MUC4: variants seen among roughly 807,000 people sequenced by gnomAD.
The protein encoded by MUC4 is mucin 4, cell surface associated.
Under a neutral mutation model 257.9 loss-of-function variants are expected in MUC4, and 202 were observed. That is an observed-to-expected ratio of 0.78 (90% CI 0.70 to 0.88). MUC4 has a LOEUF of 0.88. MUC4 is among the 40% of genes least tolerant of loss of function. The pLI, the probability that MUC4 is intolerant of heterozygous loss-of-function variation, is 0.00. For missense variants in MUC4, 5,976 were observed against 6,513.7 expected (o/e 0.92, Z 2.84); for synonymous variants, 2,351 against 2,757.1 (o/e 0.85, Z 4.62).
chr3:195,789,450 G>C lies in MUC4; in HGVS notation c.2130C>G (p.Thr710=). The stretch of plus-strand genomic sequence containing the variant: ...TGCTGGGTGCTGCCTGCAGTGCTGT[G>C]GTCGGGGCCTGGGTTGTGTGACCAT... The part of the protein sequence containing the change: ...TGDGHTTQAP[T]TALQAAPSSH... Residue 710 remains threonine, a synonymous_variant, in exon 2 of 25, where the codon ACC becomes ACG. Transcript: ENST00000463781. The C allele has an allele frequency of 6.2e-7, 1 of 1,613,998 alleles. No homozygotes were observed. The highest frequency in any genetic ancestry group is 8.5e-7 in the Non-Finnish European group (1 of 1,179,878).
intron 1 of MUC4, among the ~76,000 whole-genome samples, chr3:195,799,368 G>A (rs1578469205): frequency 6.6e-6 from 1 of 152,062 alleles, no homozygotes; most frequent in Non-Finnish European, 1.5e-5. Context: ...GGAGTGCAAC[G>A]GCACGATTTC....
In MUC4 at chr3:195,779,967, G is replaced by A. The variant is rs189187463; in HGVS notation, c.11613C>T (p.Thr3871=). 2.2e-3 allele frequency: 3,226 copies of A among 1,446,596 alleles called. 45 individuals carry two copies. Among genetic ancestry groups the A allele is most frequent in the South Asian group, 3.9e-3 (310 of 79,156 alleles). 89.6% of individuals were successfully genotyped at this position (1,446,596 alleles called of 1,614,324 possible). A position where few individuals can be genotyped will look rare whatever the true frequency, so the allele number is the denominator to read the frequency against. Residue 3871 remains threonine, a synonymous_variant, in exon 2 of 25, where the codon ACC becomes ACT. Coordinates refer to ENST00000463781, the MANE Select transcript of MUC4 (RefSeq NM_018406.7). ...AGGAAAGGCCGGTAACAGGAAGAGG[G>A]GTGGCGTGACCTGTGGATGCTGAGG... The part of the protein sequence containing the change: ...SPSSASTGHA[T]PLPVTGLSSA...
At chr3:195,763,751 C>A (rs987978612) in intron 11 of MUC4, 110 bp from the exon 12 acceptor site, 3 of 1,171,562 alleles carry the variant, frequency 2.6e-6, no homozygotes, top group Non-Finnish European at 3.5e-6. Context: ...GGGTGAGGTT[C>A]CTCACTGCAG....
intron 1 of MUC4, among the ~76,000 whole-genome samples, chr3:195,799,229 C>CTG (rs56897401): frequency 0.059 from 7,106 of 120,134 alleles, 230 homozygotes; most frequent in East Asian, 0.35. Context: ...ATGTGTGACA[C>CTG]TGTGTGTGTG....
At position 195,757,057 on chromosome 3, in the gene MUC4, A is replaced by G. The variant is rs1363993153; in HGVS notation, c.15168+90T>C. On this transcript the variant is annotated intron_variant, in intron 18 of 24. Transcript: ENST00000463781. The surrounding 1 kb of genome is among the most constrained non-coding windows in gnomAD (Gnocchi z 4.8). ...TCCACCCATCTCCCAACACAGACACACCCAGGACAGGCAGAATCACAGCAT... is the reference window on the plus strand; with the variant it reads ...TCCACCCATCTCCCAACACAGACACGCCCAGGACAGGCAGAATCACAGCAT... 3 of 1,376,050 alleles carry G rather than the reference A, an allele frequency of 2.2e-6. No individual in the cohort carries two copies. The African/African-American group carries it at 4.3e-5, about 20-fold the overall frequency. The allele number at this position is 1,376,050 out of a possible 1,614,324, so 85.2% of individuals were successfully genotyped here.
Position 195,785,310 on chromosome 3 carries a change from G to T in MUC4, c.6270C>A (p.Ser2090=). 1.4e-5 allele frequency: 18 copies of T among 1,292,688 alleles called. 7 individuals carry two copies. Among genetic ancestry groups the T allele is most frequent in the Non-Finnish European group, 1.6e-5 (15 of 952,418 alleles). The allele number at this position is 1,292,688 out of a possible 1,614,324, so 80.1% of individuals were successfully genotyped here. A position where few individuals can be genotyped will look rare whatever the true frequency, so the allele number is the denominator to read the frequency against. ...CAAGAAGAGAGGTGGCGTGACCTGT[G>T]GATATTGAGGAAGCGTCGGTGACAA... The part of the protein sequence containing the change: ...PLLVTDASSI[S]TGHATSLLVT... The change falls in exon 2 of 25, where the codon TCC becomes TCA. Residue 2090 remains serine (S), a synonymous_variant. Transcript: ENST00000463781.
At chr3:195,799,370 C>T (rs1735014883) in intron 1 of MUC4, among the ~76,000 whole-genome samples, 3 of 152,138 alleles carry the variant, frequency 2.0e-5, no homozygotes. Context: ...AGTGCAACGG[C>T]ACGATTTCGG....
chr3:195,747,455 A>T, intron 24 of MUC4, 75 bp from the exon 25 acceptor site: 1 of 1,486,628 alleles, frequency 6.7e-7, no homozygotes, highest in Non-Finnish European at 9.3e-7. Context: ...TCTGCTGGGG[A>T]AGAAGAGGTT....
chr3:195,750,913 C>T lies in MUC4; in HGVS notation c.15847G>A (p.Glu5283Lys), dbSNP rs1238172218. 10 of 1,613,594 alleles carry T rather than the reference C, an allele frequency of 6.2e-6. No individual in the cohort carries two copies. In the African/African-American group the frequency reaches 8.0e-5, roughly 13 times the overall value. The change falls in exon 23 of 25, where the codon GAA (glutamate) becomes AAA (lysine). Residue 5283 changes from glutamate to lysine, a missense_variant. This residue lies in a region of MUC4 where 310 missense variants were observed against 242.1 expected (regional missense o/e 1.28). Transcript: ENST00000463781. ...NDVVFQPISG[E>K]DVRDVTALNV... The stretch of plus-strand genomic sequence containing the variant: ...CGGGCTGTCACATCGCGCACGTCTT[C>T]CCCGGAGATGGGCTGGAAGACCACG...
intron 1 of MUC4, among the ~76,000 whole-genome samples, chr3:195,792,238 G>A (rs1733950128): frequency 1.3e-5 from 2 of 152,218 alleles, no homozygotes; most frequent in South Asian, 4.2e-4. Flanking sequence ...CTAACCATCT[G>A]ACAGAGGTCT....
At position 195,749,057 on chromosome 3, in the gene MUC4, C is replaced by G; in HGVS notation, c.15879G>C (p.Val5293=). The change falls in exon 24 of 25, where the codon GTG becomes GTC. Residue 5293 remains valine, a synonymous_variant. Transcript: ENST00000463781. The part of the protein sequence containing the change: ...EDVRDVTALN[V]STLKAYFRCD... ...ATCTGAAGTAAGCCTTCAGCGTGCTCACGTTCACTGTCGGGAAGGACACAG... is the reference window on the plus strand; with the variant it reads ...ATCTGAAGTAAGCCTTCAGCGTGCTGACGTTCACTGTCGGGAAGGACACAG... The G allele has an allele frequency of 6.2e-7, 1 of 1,607,022 alleles. No individual in the cohort carries two copies. Among genetic ancestry groups the G allele is most frequent in the South Asian group, 1.1e-5 (1 of 89,874 alleles).
intron 1 of MUC4, among the ~76,000 whole-genome samples, chr3:195,807,862 A>T (rs1290873499): frequency 6.6e-6 from 1 of 152,184 alleles, no homozygotes; most frequent in Non-Finnish European, 1.5e-5. Flanking sequence ...GACACAAATC[A>T]CTTGCGTGTC....
chr3:195,789,345 C>G lies in MUC4; in HGVS notation c.2235G>C (p.Val745=). Residue 745 remains valine (V), a synonymous_variant, in exon 2 of 25, where the codon GTG becomes GTC. Transcript: ENST00000463781. ...GTCCTTCTGGGCCCCCTGGTGTTGA[C>G]ACTACAGAGTTGGCCAGAGTAAGGG... The part of the protein sequence containing the change: ...TGALTLANSV[V]STPGGPEGQW... 6.2e-7 allele frequency: 1 copy of G among 1,613,898 alleles called. No individual in the cohort carries two copies. Among genetic ancestry groups the G allele is most frequent in the Non-Finnish European group, 8.5e-7 (1 of 1,179,874 alleles).
In MUC4 at chr3:195,788,259, G is replaced by A. The variant is rs559976828; in HGVS notation, c.3321C>T (p.Val1107=). ...CTGTGGATACTGAGGAAGTGTCGGT[G>A]ACAGGAAGAGAGGTGGCGTGACCTG... is the stretch of plus-strand genomic sequence containing the variant. The part of the protein sequence containing the change: ...ASTGHATSLP[V]TDTSSVSTGH... The change falls in exon 2 of 25, where the codon GTC becomes GTT. Residue 1107 remains valine (V), a synonymous_variant. Transcript: ENST00000463781. 3 of 1,475,148 alleles carry A rather than the reference G, an allele frequency of 2.0e-6. No individual in the cohort carries two copies. In the African/African-American group the frequency reaches 4.2e-5, roughly 21 times the overall value. 91.4% of individuals were successfully genotyped at this position (1,475,148 alleles called of 1,614,324 possible).
At chr3:195,753,624 A>C in intron 19 of MUC4, 3 of 274,288 alleles carry the variant, frequency 1.1e-5, no homozygotes, top group Non-Finnish European at 1.3e-5. Context: ...TGATCTGTAG[A>C]TTTTATTTGG....
At chr3:195,767,609 TTGCCACCACCATCAC>T (rs1721242081) in intron 7 of MUC4, among the ~76,000 whole-genome samples, 2 of 27,248 alleles carry the variant, frequency 7.3e-5, no homozygotes, top group East Asian at 9.0e-4. Flanking sequence ...ATCATCACCA[TTGCCACCACCATCAC>T]CACCATCACC....
At position 195,762,187 on chromosome 3, in the gene MUC4, G is replaced by A. The variant is rs780435996; in HGVS notation, c.14412C>T (p.Phe4804=). ...SRNGSEVSAS[F]DGWATVSVIA... ...TCACCGAGACGGTGGCCCAGCCGTC[G>A]AAGCTGGCCGAGACCTCAGAGCCGT... Residue 4804 remains phenylalanine (F), a synonymous_variant, in exon 14 of 25, where the codon TTC becomes TTT. Coordinates refer to ENST00000463781, the MANE Select transcript of MUC4 (RefSeq NM_018406.7). 3 of 1,603,500 alleles carry A rather than the reference G, an allele frequency of 1.9e-6. No homozygotes were observed. Among genetic ancestry groups the A allele is most frequent in the Admixed American group, 1.7e-5 (1 of 58,948 alleles).
chr3:195,793,532 G>GGA (rs1430127694), intron 1 of MUC4, among the ~76,000 whole-genome samples: 3 of 151,908 alleles, frequency 2.0e-5, no homozygotes, highest in African/African-American at 7.2e-5. Context: ...AAATAAAAAA[G>GGA]GAGAGAGAGA....
Position 195,788,991 on chromosome 3 carries a change from C to T in MUC4, c.2589G>A (p.Met863Ile), listed in dbSNP as rs1379992912. Residue 863 changes from methionine (M) to isoleucine (I), a missense_variant, in exon 2 of 25, where the codon ATG becomes ATA. Around this residue, in one of 44 missense-constraint regions of MUC4, gnomAD observed 1,583 missense variants for 1,257.4 expected, o/e 1.26. Transcript: ENST00000463781. ...AGGTGCCGGGGACGATCGAAGACGCCATTCCTGTGCTTACTGGGATGGCAC... is the reference window on the plus strand; with the variant it reads ...AGGTGCCGGGGACGATCGAAGACGCTATTCCTGTGCTTACTGGGATGGCAC... ...SHGAIPVSTGMASSIVPGTFH... is the reference protein window; with the variant it reads ...SHGAIPVSTGIASSIVPGTFH... 1.2e-6 allele frequency: 2 copies of T among 1,613,724 alleles called. No homozygotes were observed. The highest frequency in any genetic ancestry group is 1.1e-5 in the South Asian group (1 of 91,072).
Sources: gnomAD v4.1 joint callset for allele counts (sites outside exome capture counted in the v4.1 genomes callset) on GRCh38, gnomAD v4.1.1 for gene constraint, gnomAD v4.1.1 regional missense constraint, Gnocchi (gnomAD v3.1) non-coding constraint, MANE v1.5 for transcripts, NCBI Gene and HGNC (gene_info 2026-07-23, HGNC 2026-07-21) for gene names.